The following SERPINF1 variants were observed in gnomAD, a reference collection of about 807,000 sequenced individuals.
SERPINF1 encodes the protein serpin family F member 1.
In SERPINF1, 29 loss-of-function variants were observed where a neutral mutation model predicts 37.3. The ratio of observed to expected loss-of-function variants is 0.78; its 90% CI spans 0.58 to 1.06. The LOEUF (loss-of-function observed/expected upper bound fraction) is 1.06, where lower values mean the gene tolerates loss of function less well. Ranked by LOEUF, SERPINF1 falls within the 50% of genes least tolerant of loss-of-function variation. The pLI is 0.00. For synonymous variants in SERPINF1, 281 were observed against 227.9 expected (o/e 1.23, Z -2.10); for missense variants, 553 against 532.2 (o/e 1.04, Z -0.38).
intron 1 of SERPINF1, 32 bp from the exon 2 acceptor site, chr17:1,766,871 G>A: frequency 1.3e-6 from 2 of 1,542,166 alleles, no homozygotes; most frequent in Non-Finnish European, 1.8e-6. Context: ...TGTCGGGGGA[G>A]AGCGGCTTGC....
intron 1 of SERPINF1, among the ~76,000 whole-genome samples, chr17:1,764,576 C>T (rs563215442): frequency 1.3e-4 from 20 of 152,346 alleles, no homozygotes; most frequent in East Asian, 3.9e-4. Flanking sequence ...TCCTGCTGCC[C>T]GTCCTGCCTT....
chr17:1,776,699 G>A lies in SERPINF1; in HGVS notation c.954G>A (p.Lys318=), dbSNP rs1478113388. 3 of 1,613,376 alleles carry A rather than the reference G, an allele frequency of 1.9e-6. No homozygotes were observed. The highest frequency in any genetic ancestry group is 1.3e-5 in the African/African-American group (1 of 74,910). The change falls in exon 7 of 8, where the codon AAG becomes AAA. Residue 318 remains lysine (K), a synonymous_variant. Coordinates refer to ENST00000254722, the MANE Select transcript of SERPINF1 (RefSeq NM_002615.7). ...CGGTCCTCACTGTCCCCAAGCTGAA[G>A]CTGAGTTATGAAGGCGAAGTCACCA... ...VQAVLTVPKL[K]LSYEGEVTKS...
chr17:1,765,870 A>G (rs539892136), intron 1 of SERPINF1, among the ~76,000 whole-genome samples: 8 of 111,970 alleles, frequency 7.1e-5, no homozygotes, highest in African/African-American at 4.3e-4. Context: ...TTGTCTCCCA[A>G]AAAAAAAAAA....
chr17:1,768,729 G>A (rs949647378), intron 2 of SERPINF1, among the ~76,000 whole-genome samples: 1 of 151,812 alleles, frequency 6.6e-6, no homozygotes, highest in Non-Finnish European at 1.5e-5. Context: ...CATCTTCCTC[G>A]GCCTGCCAAA....
intron 2 of SERPINF1, 99 bp from the exon 3 acceptor site, chr17:1,769,753 G>C: frequency 7.5e-7 from 1 of 1,338,676 alleles, no homozygotes; most frequent in Non-Finnish European, 1.1e-6. Flanking sequence ...AGCCCCAAGG[G>C]GCCAGAACCA....
At chr17:1,763,714 G>A (rs1023532825) in intron 1 of SERPINF1, among the ~76,000 whole-genome samples, 4 of 152,286 alleles carry the variant, frequency 2.6e-5, no homozygotes, top group African/African-American at 4.8e-5. Context: ...TGTCTAGCTC[G>A]GGGCCACCTT....
rs149768643 is a variant in SERPINF1, at chr17:1,769,991, C to A, written c.224C>A (p.Thr75Lys). ...LYRVRSSTSPTTNVLLSPLSV... is the reference protein window; with the variant it reads ...LYRVRSSTSPKTNVLLSPLSV... ...CGGGTGCGATCCAGCACGAGCCCCA[C>A]GACCAACGTGCTCCTGTCTCCTCTC... Residue 75 changes from threonine to lysine, a missense_variant, in exon 3 of 8, where the codon ACG (threonine) becomes AAG (lysine). Physicochemically the swap from Thr to Lys is moderately conservative, Grantham distance 78. Transcript: ENST00000254722. 7 of 1,614,046 alleles carry A rather than the reference C, an allele frequency of 4.3e-6. No individual in the cohort carries two copies. The highest frequency in any genetic ancestry group is 5.9e-6 in the Non-Finnish European group (7 of 1,180,006).
chr17:1,769,333 C>T (rs11871807), intron 2 of SERPINF1, among the ~76,000 whole-genome samples: 48,329 of 150,638 alleles, frequency 0.32, 8,895 homozygotes, highest in African/African-American at 0.51. Flanking sequence ...GGCGTGAACC[C>T]GGGAGGCGGA....
Position 1,770,271 on chromosome 17 carries a change from T to A in SERPINF1, c.283+221T>A, listed in dbSNP as rs537887049. Among the ~76,000 whole-genome samples, 3 of 152,286 alleles carry A rather than the reference T, an allele frequency of 2.0e-5. No individual in the cohort carries two copies. The South Asian group carries it at 6.2e-4, about 32-fold the overall frequency. ...GGGCTGGGCACCACTGACATGGCGC[T>A]TGGCCTCAGGGTTCGCTTATTGACA... On this transcript the variant is annotated intron_variant, in intron 3 of 7. Transcript: ENST00000254722.
chr17:1,771,986 A>AGGCGC lies in SERPINF1; in HGVS notation c.555_559dup (p.Gln187ArgfsTer4), dbSNP rs1567755484. 1 of 1,613,980 alleles carries AGGCGC rather than the reference A, an allele frequency of 6.2e-7. No individual in the cohort carries two copies. Among genetic ancestry groups the AGGCGC allele is most frequent in the African/African-American group, 1.3e-5 (1 of 75,004 alleles). On this transcript the variant is annotated frameshift_variant, in exon 5 of 8. Transcript: ENST00000254722. LOFTEE classifies it high-confidence loss of function. ...CTGCAAGAGATCAACAACTGGGTGC[A>AGGCGC]GGCGCAGATGAAAGGGAAGCTCGCC...
chr17:1,769,364 A>G (rs966856853), intron 2 of SERPINF1, among the ~76,000 whole-genome samples: 55 of 150,406 alleles, frequency 3.7e-4, no homozygotes, highest in African/African-American at 9.4e-4. Context: ...AGCCGAGATC[A>G]CGCCACCGTA....
intron 5 of SERPINF1, among the ~76,000 whole-genome samples, chr17:1,774,604 C>T (rs749857555): frequency 1.3e-5 from 2 of 151,966 alleles, no homozygotes; most frequent in Non-Finnish European, 2.9e-5. Flanking sequence ...AGGGCTGGGA[C>T]TACAGGCGTG....
In SERPINF1 at chr17:1,777,242, C is replaced by A. The variant is rs1487963880; in HGVS notation, c.1053C>A (p.Ile351=). ...PDFSKITGKP[I]KLTQVEHRAG... The stretch of plus-strand genomic sequence containing the variant: ...TTAGCAAGATCACAGGCAAACCCAT[C>A]AAGCTGACTCAGGTGGAACACCGGG... Residue 351 remains isoleucine, a synonymous_variant, in exon 8 of 8, where the codon ATC becomes ATA. Coordinates refer to ENST00000254722, the MANE Select transcript of SERPINF1 (RefSeq NM_002615.7). 1 of 1,614,148 alleles carries A rather than the reference C, an allele frequency of 6.2e-7. No individual in the cohort carries two copies. The highest frequency in any genetic ancestry group is 8.5e-7 in the Non-Finnish European group (1 of 1,180,038).
intron 6 of SERPINF1, chr17:1,776,319 A>C: frequency 4.9e-6 from 3 of 609,290 alleles, no homozygotes; most frequent in East Asian, 2.8e-5. Flanking sequence ...CCAAGGTAAG[A>C]AAGGCCAACA....
At chr17:1,767,308 C>T (rs1907444727) in intron 2 of SERPINF1, among the ~76,000 whole-genome samples, 1 of 152,124 alleles carries the variant, frequency 6.6e-6, no homozygotes, top group Admixed American at 6.6e-5. Context: ...AAGCCCGGCT[C>T]ATTTTGTATT....
At chr17:1,767,580 C>T (rs979585807) in intron 2 of SERPINF1, among the ~76,000 whole-genome samples, 3 of 152,158 alleles carry the variant, frequency 2.0e-5, no homozygotes, top group Admixed American at 1.3e-4. Flanking sequence ...CCAGAAAGGG[C>T]GCAGCTGGGT....
chr17:1,776,499 A>G lies in SERPINF1; in HGVS notation c.787-33A>G, dbSNP rs2071021. 482,586 of 1,607,822 alleles carry G rather than the reference A, an allele frequency of 0.3. 75,591 individuals are homozygous for G. Among genetic ancestry groups the G allele is most frequent in the Admixed American group, 0.4 (24,042 of 59,974 alleles). On this transcript the variant is annotated intron_variant, in intron 6 of 7. Transcript: ENST00000254722. Reference sequence around the variant, plus strand: ...TCTGTCCCCGGCTTTTGGGCTCTGAAGGACTAACCACATGCTTTCTCACTT... The same window carrying G: ...TCTGTCCCCGGCTTTTGGGCTCTGAGGGACTAACCACATGCTTTCTCACTT...
intron 3 of SERPINF1, chr17:1,770,706 C>T (rs532216669): frequency 6.3e-5 from 22 of 348,960 alleles, no homozygotes; most frequent in Non-Finnish European, 8.9e-5. Flanking sequence ...GCGATCCACC[C>T]GCCTTGGCCT....
At position 1,775,207 on chromosome 17, in the gene SERPINF1, A is replaced by G; in HGVS notation, c.786+7A>G. Reference sequence around the variant, plus strand: ...TTCAGATCTCAGCTGCAAGGTCTGTAGGGATAGGGGCAGGGTGGGGGGTGG... The same window carrying G: ...TTCAGATCTCAGCTGCAAGGTCTGTGGGGATAGGGGCAGGGTGGGGGGTGG... On this transcript the variant is annotated splice_region_variant and intron_variant, in intron 6 of 7. Coordinates refer to ENST00000254722, the MANE Select transcript of SERPINF1 (RefSeq NM_002615.7). The G allele has an allele frequency of 7.4e-7, 1 of 1,344,020 alleles. No individual in the cohort carries two copies. The highest frequency in any genetic ancestry group is 1.0e-6 in the Non-Finnish European group (1 of 968,508). 83.3% of individuals were successfully genotyped at this position (1,344,020 alleles called of 1,614,324 possible). A position where few individuals can be genotyped will look rare whatever the true frequency, so the allele number is the denominator to read the frequency against.
Sources: allele counts gnomAD v4.1 joint callset (sites outside exome capture counted in the v4.1 genomes callset), GRCh38; gene constraint gnomAD v4.1.1; transcripts MANE v1.5; gene names NCBI Gene and HGNC (gene_info 2026-07-23, HGNC 2026-07-21).